DSC1: variants seen among roughly 807,000 people sequenced by gnomAD.
DSC1 encodes the protein desmocollin 1.
A neutral mutation model predicts 98.8 loss-of-function variants in DSC1; 79 were observed. The ratio of observed to expected loss-of-function variants is 0.80; its 90% CI spans 0.67 to 0.96. The LOEUF (loss-of-function observed/expected upper bound fraction) is 0.96. DSC1 is among the 50% of genes least tolerant of loss of function. The pLI is 0.00. For missense variants in DSC1, 1,115 were observed against 1,075.9 expected (o/e 1.04, Z -0.51); for synonymous variants, 405 against 372.1 (o/e 1.09, Z -1.02).
chr18:31,159,439 T>G lies in DSC1; in HGVS notation c.148+6A>C. 2.5e-6 allele frequency: 4 copies of G among 1,612,156 alleles called. No homozygotes were observed. The highest frequency in any genetic ancestry group is 3.4e-6 in the Non-Finnish European group (4 of 1,179,118). On this transcript the variant is annotated splice_donor_region_variant and intron_variant, in intron 2 of 15. Transcript: ENST00000257198. ...CAGCTATGAAACTGTTAATAGTGTTTCTCACCTTTGCCTACAAGTGTTTCA... is the reference window on the plus strand; with the variant it reads ...CAGCTATGAAACTGTTAATAGTGTTGCTCACCTTTGCCTACAAGTGTTTCA...
intron 10 of DSC1, 60 bp from the exon 11 acceptor site, chr18:31,139,950 C>T: frequency 6.4e-7 from 1 of 1,562,972 alleles, no homozygotes; most frequent in East Asian, 2.3e-5. Context: ...ATCTTAAAAT[C>T]TGTCATTTTG....
chr18:31,153,605 C>A (rs1989040635), intron 5 of DSC1, among the ~76,000 whole-genome samples: 2 of 152,110 alleles, frequency 1.3e-5, no homozygotes, highest in African/African-American at 4.8e-5. Context: ...AAATTTTTCA[C>A]TACCTTATAG....
intron 11 of DSC1, 24 bp from the exon 12 acceptor site, chr18:31,134,808 A>G (rs753054492): frequency 1.3e-6 from 2 of 1,578,442 alleles, no homozygotes; most frequent in South Asian, 1.1e-5. Flanking sequence ...AAAATAGGTT[A>G]TTTCTTCACA....
rs748091048 is a variant in DSC1, at chr18:31,162,553, C to G, written c.42G>C (p.Lys14Asn). 15 of 1,614,038 alleles carry G rather than the reference C, an allele frequency of 9.3e-6. No homozygotes were observed. The Admixed American group carries it at 1.5e-4, about 16-fold the overall frequency. ...ASAAPGSIFC[K>N]QLLFSLLVLT... ...TCACCAGGAGAGAGAAAAGGAGCTG[C>G]TTACAGAAGATGCTCCCTGGGGCAG... is the stretch of plus-strand genomic sequence containing the variant. The change falls in exon 1 of 16, where the codon AAG becomes AAC. Residue 14 changes from lysine to asparagine, a missense_variant. Transcript: ENST00000257198.
intron 11 of DSC1, among the ~76,000 whole-genome samples, chr18:31,137,965 ATGTGTGTG>A (rs201493651): frequency 0.03 from 4,255 of 141,568 alleles, 67 homozygotes; most frequent in East Asian, 0.038. Context: ...TCAGAGCAAA[ATGTGTGTG>A]TGTGTGTGTG....
intron 7 of DSC1, among the ~76,000 whole-genome samples, chr18:31,145,219 G>A (rs1262150479): frequency 6.6e-6 from 1 of 152,102 alleles, no homozygotes; most frequent in Non-Finnish European, 1.5e-5. Context: ...TGGGATTACA[G>A]GCGTGAGCCA....
At chr18:31,140,420 T>C (rs1988710092) in intron 9 of DSC1, 119 bp from the exon 10 acceptor site, 1 of 1,105,648 alleles carries the variant, frequency 9.0e-7, no homozygotes, top group African/African-American at 1.6e-5. Context: ...TAAAGTTAGG[T>C]CTAATACAGT....
intron 15 of DSC1, chr18:31,130,977 T>C (rs1001441228): frequency 5.5e-5 from 46 of 841,928 alleles, no homozygotes; most frequent in Non-Finnish European, 7.6e-5. Flanking sequence ...AATTTCCCAT[T>C]TGAACACAAA....
chr18:31,136,295 A>T (rs61351933), intron 11 of DSC1, among the ~76,000 whole-genome samples: 2,199 of 152,276 alleles, frequency 0.014, 48 homozygotes, highest in African/African-American at 0.051. Flanking sequence ...TACACTACAC[A>T]TGAGTTGATA....
rs1988499346 is a variant in DSC1 at position 31,131,835 on chromosome 18, T to C, written c.2246A>G (p.Asn749Ser). Residue 749 changes from asparagine to serine, a missense_variant, in exon 15 of 16, where the codon AAT (asparagine) becomes AGT (serine). Physicochemically the swap from Asn to Ser is conservative, Grantham distance 46. Coordinates refer to ENST00000257198, the MANE Select transcript of DSC1 (RefSeq NM_024421.2). ...EGPGEEVTEA[N>S]IRLPMQTSNI... ...GGATGTCTGCATGGGGAGTCTAATA[T>C]TTGCTTCCTAAAAGTAAAGTGAGAG... 2 of 1,613,698 alleles carry C rather than the reference T, an allele frequency of 1.2e-6. No individual in the cohort carries two copies. Among genetic ancestry groups the C allele is most frequent in the Non-Finnish European group, 8.5e-7 (1 of 1,179,808 alleles).
Position 31,134,447 on chromosome 18 carries a change from T to C in DSC1, c.1876+125A>G, listed in dbSNP as rs1598613591. 6.5e-6 allele frequency: 6 copies of C among 927,984 alleles called. No individual in the cohort carries two copies. In the East Asian group the frequency reaches 1.6e-4, roughly 25 times the overall value. The allele number at this position is 927,984 out of a possible 1,614,324, so 57.5% of individuals were successfully genotyped here. On this transcript the variant is annotated intron_variant, in intron 12 of 15. Transcript: ENST00000257198. Reference sequence around the variant, plus strand: ...AATTTTTTTTAAAGATTAGGTATTGTTGTTTTTAGGGTTAATAAAATAATT... The same window carrying C: ...AATTTTTTTTAAAGATTAGGTATTGCTGTTTTTAGGGTTAATAAAATAATT...
chr18:31,147,599 C>T (rs1988873161), intron 6 of DSC1, among the ~76,000 whole-genome samples: 1 of 151,952 alleles, frequency 6.6e-6, no homozygotes, highest in South Asian at 2.1e-4. Context: ...ATAAGGAATT[C>T]AATGGAAGCA....
Position 31,148,593 on chromosome 18 carries a change from A to C in DSC1, c.677T>G (p.Leu226Arg). ...TADGYAPEYP[L>R]PLIIKIEDDN... ...ATCTTCAATTTTGATGATCAAAGGG[A>C]GTGGATATTCTGGTGCATAGCCATC... is the stretch of plus-strand genomic sequence containing the variant. Residue 226 changes from leucine to arginine, a missense_variant, in exon 6 of 16, where the codon CTC (leucine) becomes CGC (arginine). Transcript: ENST00000257198. 6.2e-7 allele frequency: 1 copy of C among 1,610,702 alleles called. No individual in the cohort carries two copies. The highest frequency in any genetic ancestry group is 1.1e-5 in the South Asian group (1 of 90,700).
intron 1 of DSC1, among the ~76,000 whole-genome samples, chr18:31,161,721 A>C (rs1353785462): frequency 6.6e-6 from 1 of 152,170 alleles, no homozygotes. Flanking sequence ...CTAACTTAAG[A>C]TGGTATCTGA....
At chr18:31,137,106 T>C (rs1189666641) in intron 11 of DSC1, among the ~76,000 whole-genome samples, 1 of 151,930 alleles carries the variant, frequency 6.6e-6, no homozygotes, top group Non-Finnish European at 1.5e-5. Flanking sequence ...TACTCAAATG[T>C]TTCAGTAACT....
intron 7 of DSC1, 125 bp from the exon 8 acceptor site, chr18:31,143,916 T>A (rs199632594): frequency 1.3e-5 from 5 of 376,110 alleles, no homozygotes; most frequent in Non-Finnish European, 1.4e-5. Context: ...TTTTATATAT[T>A]TATTTATTTA....
At chr18:31,142,245 TA>T in intron 8 of DSC1, 61 bp from the exon 9 acceptor site, 2 of 1,518,554 alleles carry the variant, frequency 1.3e-6, no homozygotes, top group Non-Finnish European at 1.8e-6. Context: ...CTTTATATTC[TA>T]AAACACGTAT....
intron 3 of DSC1, 70 bp from the exon 4 acceptor site, chr18:31,156,232 A>G (rs1267600328): frequency 1.9e-6 from 3 of 1,559,222 alleles, no homozygotes; most frequent in Non-Finnish European, 2.6e-6. Context: ...TATTTTACAC[A>G]TACATCAACA....
At position 31,133,891 on chromosome 18, in the gene DSC1, A is replaced by C; in HGVS notation, c.2116T>G (p.Cys706Gly). 6.2e-7 allele frequency: 1 copy of C among 1,609,978 alleles called. No individual in the cohort carries two copies. The highest frequency in any genetic ancestry group is 1.1e-5 in the South Asian group (1 of 90,542). Reference sequence around the variant, plus strand: ...AGATAATGATACTTAATATACTTACATAATAACAATACAGAACCCAACACC... The same window carrying C: ...AGATAATGATACTTAATATACTTACCTAATAACAATACAGAACCCAACACC... The part of the protein sequence containing the change: ...AMVLGSVLLL[C>G]ILFTCFCVTA... Residue 706 changes from cysteine (C) to glycine (G), a missense_variant and splice_region_variant, in exon 13 of 16, where the codon TGT (cysteine) becomes GGT (glycine). Cys to Gly is a radical substitution (Grantham distance 159). Transcript: ENST00000257198.
Sources: allele counts gnomAD v4.1 joint callset (sites outside exome capture counted in the v4.1 genomes callset), GRCh38; gene constraint gnomAD v4.1.1; transcripts MANE v1.5; gene names NCBI Gene and HGNC (gene_info 2026-07-23, HGNC 2026-07-21).